The following GRIP1 variants were observed in gnomAD, a reference collection of about 807,000 sequenced individuals.
GRIP1 encodes the protein glutamate receptor-interacting protein 1.
In GRIP1, 45 loss-of-function variants were observed where a neutral mutation model predicts 129.9. The observed-to-expected ratio is 0.35, with a 90% CI of 0.27 to 0.44. The LOEUF (loss-of-function observed/expected upper bound fraction) is 0.44, where lower values mean the gene tolerates loss of function less well. Ranked by LOEUF, GRIP1 falls within the 20% of genes least tolerant of loss-of-function variation. GRIP1 has a pLI of 1.00. For missense variants in GRIP1, 1,196 were observed against 1,396.8 expected (o/e 0.86, Z 2.29); for synonymous variants, 530 against 520.8 (o/e 1.02, Z -0.24).
intron 1 of GRIP1, among the ~76,000 whole-genome samples, chr12:66,785,476 C>T (rs1240550434): frequency 6.6e-6 from 1 of 151,062 alleles, no homozygotes; most frequent in East Asian, 2.0e-4. Flanking sequence ...TGTGCCACTG[C>T]ACTCCAGCCT....
chr12:67,036,112 T>C (rs1363921615), intron 1 of GRIP1, among the ~76,000 whole-genome samples: 2 of 152,324 alleles, frequency 1.3e-5, no homozygotes, highest in South Asian at 4.1e-4. Flanking sequence ...CACCATTGTT[T>C]CACCATTGCA....
intron 13 of GRIP1, among the ~76,000 whole-genome samples, chr12:66,435,345 A>G (rs1016968645): frequency 9.2e-5 from 14 of 151,910 alleles, no homozygotes; most frequent in African/African-American, 3.4e-4. Context: ...TAGAACTACA[A>G]GCACCTGCCA....
chr12:66,904,570 C>T lies in GRIP1; in HGVS notation c.58+164480G>A, dbSNP rs978765305. 3.2e-4 allele frequency among the ~76,000 whole-genome samples: 49 copies of T among 152,230 alleles called. 1 individual carries two copies. Among genetic ancestry groups the T allele is most frequent in the Admixed American group, 1.3e-4 (2 of 15,282 alleles). ...ATATTAGTTATTTGCTTATGAAACC[C>T]CATTCCTTTAAATAGGAAGCTTGTT... On this transcript the variant is annotated intron_variant, in intron 1 of 1. Transcript: ENST00000643019.
intron 1 of GRIP1, among the ~76,000 whole-genome samples, chr12:66,969,805 G>A (rs933208391): frequency 1.6e-4 from 24 of 151,946 alleles, no homozygotes; most frequent in African/African-American, 5.1e-4. Flanking sequence ...TTTAAAAATC[G>A]TGTTAAGTCT....
At chr12:66,984,156 G>A (rs771930991) in intron 1 of GRIP1, among the ~76,000 whole-genome samples, 13 of 152,148 alleles carry the variant, frequency 8.5e-5, no homozygotes, top group Non-Finnish European at 1.8e-4. Context: ...CATAAGCAAA[G>A]AGGAATACAT....
chr12:66,515,539 A>C, intron 7 of GRIP1, 80 bp downstream of exon 7: 3 of 1,282,130 alleles, frequency 2.3e-6, no homozygotes, highest in Non-Finnish European at 3.4e-6. Context: ...GACAATACAT[A>C]CTTAATCCAA....
intron 23 of GRIP1, among the ~76,000 whole-genome samples, chr12:66,360,306 G>T (rs1402584385): frequency 2.0e-5 from 3 of 151,836 alleles, no homozygotes; most frequent in Non-Finnish European, 2.9e-5. Context: ...AGAGCCCTTT[G>T]TGGCTTTCCA....
chr12:66,525,882 C>A lies in GRIP1; in HGVS notation c.502+3949G>T, dbSNP rs1033381708. 2.0e-5 allele frequency among the ~76,000 whole-genome samples: 3 copies of A among 151,724 alleles called. No homozygotes were observed. The East Asian group carries it at 5.8e-4, about 29-fold the overall frequency. ...AAAAATCACAAGCATTCTTATACAC[C>A]AATAACAGACAAACAGAGAGCCAAA... On this transcript the variant is annotated intron_variant, in intron 5 of 24. Transcript: ENST00000359742.
chr12:66,554,666 C>G (rs1565856852), intron 2 of GRIP1, among the ~76,000 whole-genome samples: 1 of 152,112 alleles, frequency 6.6e-6, no homozygotes, highest in Non-Finnish European at 1.5e-5. Context: ...GGCCCACTGC[C>G]CTGAAGGGAG....
At chr12:66,819,297 TAGAGCAATATA>T (rs1412630957) in intron 1 of GRIP1, among the ~76,000 whole-genome samples, 1 of 152,212 alleles carries the variant, frequency 6.6e-6, no homozygotes, top group Non-Finnish European at 1.5e-5. Flanking sequence ...TAAAATCAAC[TAGAGCAATATA>T]ATCACATAAG....
intron 14 of GRIP1, among the ~76,000 whole-genome samples, chr12:66,423,453 T>C (rs1420818624): frequency 2.6e-5 from 4 of 152,252 alleles, no homozygotes; most frequent in Admixed American, 1.3e-4. Context: ...TCTATCCTCA[T>C]TGGGCTGATC....
At chr12:66,492,825 C>T (rs1484102028) in intron 7 of GRIP1, among the ~76,000 whole-genome samples, 1 of 152,072 alleles carries the variant, frequency 6.6e-6, no homozygotes, top group Non-Finnish European at 1.5e-5. Context: ...GCCTGGCCAA[C>T]ATGGTGAAAT....
At chr12:66,759,267 C>T (rs926652677) in intron 1 of GRIP1, among the ~76,000 whole-genome samples, 15 of 152,204 alleles carry the variant, frequency 9.9e-5, no homozygotes, top group Non-Finnish European at 7.3e-5. Context: ...CCTCTGAAGC[C>T]ACAGCATGAG....
chr12:66,549,975 C>T (rs1467461738), intron 2 of GRIP1, among the ~76,000 whole-genome samples: 1 of 152,058 alleles, frequency 6.6e-6, no homozygotes, highest in Non-Finnish European at 1.5e-5. Flanking sequence ...GGTCAGGATT[C>T]TTTTAAAAAT....
At chr12:66,671,382 T>C (rs1565956514) in intron 1 of GRIP1, among the ~76,000 whole-genome samples, 1 of 152,150 alleles carries the variant, frequency 6.6e-6, no homozygotes, top group Non-Finnish European at 1.5e-5. Flanking sequence ...CTAGAGTTCA[T>C]CCCTCTTCTA....
At chr12:66,444,096 G>A (rs906557725) in intron 13 of GRIP1, among the ~76,000 whole-genome samples, 11 of 152,122 alleles carry the variant, frequency 7.2e-5, no homozygotes, top group African/African-American at 2.7e-4. Flanking sequence ...ATTTTCAGTT[G>A]TTCTTGTGGT....
intron 1 of GRIP1, among the ~76,000 whole-genome samples, chr12:67,036,967 C>T (rs1185204864): frequency 2.0e-5 from 3 of 151,980 alleles, no homozygotes; most frequent in Non-Finnish European, 4.4e-5. Flanking sequence ...GAGTCTCCGA[C>T]AAGTGTGTAA....
intron 2 of GRIP1, among the ~76,000 whole-genome samples, chr12:66,569,650 T>G (rs1490290336): frequency 6.6e-6 from 1 of 151,990 alleles, no homozygotes; most frequent in Non-Finnish European, 1.5e-5. Context: ...AGGTTAGGCC[T>G]CTCCCAGACC....
At chr12:66,983,522 T>C (rs749876898) in intron 1 of GRIP1, among the ~76,000 whole-genome samples, 4 of 152,178 alleles carry the variant, frequency 2.6e-5, no homozygotes, top group Non-Finnish European at 5.9e-5. Context: ...ACTAGTAAGT[T>C]TTCTTCACTA....
Sources: gnomAD v4.1 joint callset for allele counts (sites outside exome capture counted in the v4.1 genomes callset) on GRCh38, gnomAD v4.1.1 for gene constraint, MANE v1.5 for transcripts, NCBI Gene and HGNC (gene_info 2026-07-23, HGNC 2026-07-21) for gene names.